Variants in BICRA observed in about 807,000 individuals in gnomAD.
BICRA encodes the protein BRD4 interacting chromatin remodeling complex associated protein, also known as BRD4-interacting chromatin-remodeling complex-associated protein.
Under a neutral mutation model 96.9 loss-of-function variants are expected in BICRA, and 31 were observed. The observed-to-expected ratio is 0.32, with a 90% CI of 0.24 to 0.43. The LOEUF (loss-of-function observed/expected upper bound fraction) is 0.43, where lower values mean the gene tolerates loss of function less well. Ranked by LOEUF, BICRA falls within the 20% of genes least tolerant of loss-of-function variation. The probability of loss-of-function intolerance (pLI) is 1.00; values close to 1 mark genes in which losing one functional copy is unlikely to be tolerated. For synonymous variants in BICRA, 1,350 were observed against 1,071.8 expected, an observed-to-expected ratio of 1.26 and a Z score of -5.07; for missense variants, 2,283 against 2,190.3, an observed-to-expected ratio of 1.04 and a Z score of -0.84.
At position 47,685,741 on chromosome 19, in the gene BICRA, CTGTGTGTGTGTGTGTG is replaced by C. The variant is rs3074109; in HGVS notation, c.2283+3620_2283+3635del. Among the ~76,000 whole-genome samples the C allele has an allele frequency of 2.6e-3, 301 of 115,552 alleles. 1 individual carries two copies. Among genetic ancestry groups the C allele is most frequent in the South Asian group, 9.4e-3 (29 of 3,076 alleles). The allele number at this position is 115,552 out of a possible 152,430, so 75.8% of individuals were successfully genotyped here. On this transcript the variant is annotated intron_variant, in intron 7 of 14. Transcript: ENST00000594866. ...TGTACCCAGATGGATTTGGCAGCCTCTGTGTGTGTGTGTGTGTGTGTGTGTGTGTGTGTGTGTGTGT... is the reference window on the plus strand; with the variant it reads ...TGTACCCAGATGGATTTGGCAGCCTCTGTGTGTGTGTGTGTGTGTGTGTGT...
At chr19:47,681,447 G>C (rs1190780437) in intron 6 of BICRA, among the ~76,000 whole-genome samples, 171 bp downstream of exon 6, 2 of 152,196 alleles carry the variant, frequency 1.3e-5, no homozygotes, top group Non-Finnish European at 2.9e-5. Context: ...AAGGGTGAGG[G>C]CCCTGGCTGA....
At chr19:47,691,087 C>G (rs1973234707) in intron 7 of BICRA, among the ~76,000 whole-genome samples, 1 of 152,190 alleles carries the variant, frequency 6.6e-6, no homozygotes, top group Non-Finnish European at 1.5e-5. Flanking sequence ...GAGGTTCTAG[C>G]TCTGGATCTC....
At chr19:47,619,918 C>T (rs766167980) in intron 1 of BICRA, among the ~76,000 whole-genome samples, 7 of 152,150 alleles carry the variant, frequency 4.6e-5, no homozygotes, top group Non-Finnish European at 1.0e-4. Flanking sequence ...AGCACATTCT[C>T]GTCACTGCCA....
upstream of BICRA, chr19:47,609,104 C>T (rs1971853943): frequency 6.7e-6 from 1 of 148,552 alleles, no homozygotes; most frequent in South Asian, 2.1e-4. Flanking sequence ...CTTCTGGGTC[C>T]TCCCTTTGCA....
At chr19:47,696,409 C>T in intron 10 of BICRA, 42 bp from the exon 11 acceptor site, 1 of 1,547,774 alleles carries the variant, frequency 6.5e-7, no homozygotes, top group Non-Finnish European at 8.8e-7. Context: ...GGAGGGAAGG[C>T]TTCTGGAGGC....
At position 47,681,165 on chromosome 19, in the gene BICRA, G is replaced by C. The variant is rs1599850756; in HGVS notation, c.1995G>C (p.Gln665His). The change falls in exon 6 of 15, where the codon CAG becomes CAC. Residue 665 changes from glutamine (Q) to histidine (H), a missense_variant. Physicochemically the swap from Gln to His is conservative, Grantham distance 24. Transcript: ENST00000594866. Reference sequence around the variant, plus strand: ...CCCCGCCTCAGGCCACCACCCCCCAGCCCAGCCCTGGCCTGGCGTCTAGCC... The same window carrying C: ...CCCCGCCTCAGGCCACCACCCCCCACCCCAGCCCTGGCCTGGCGTCTAGCC... ...AAAPPQATTPQPSPGLASSPE... is the reference protein window; with the variant it reads ...AAAPPQATTPHPSPGLASSPE... 1 of 1,475,454 alleles carries C rather than the reference G, an allele frequency of 6.8e-7. No homozygotes were observed. The highest frequency in any genetic ancestry group is 1.4e-5 in the African/African-American group (1 of 71,054). The allele number at this position is 1,475,454 out of a possible 1,614,324, so 91.4% of individuals were successfully genotyped here.
In BICRA at chr19:47,679,548, G is replaced by C; in HGVS notation, c.378G>C (p.Leu126=). 1 of 1,547,280 alleles carries C rather than the reference G, an allele frequency of 6.5e-7. No homozygotes were observed. The highest frequency in any genetic ancestry group is 8.7e-7 in the Non-Finnish European group (1 of 1,145,952). ...QTLEAEAELD[L]GPFQLPTLQP... ...TGGAGGCCGAGGCTGAGCTGGACCT[G>C]GGTCCCTTCCAGCTGCCCACCCTGC... The change falls in exon 6 of 15, where the codon CTG becomes CTC. Residue 126 remains leucine, a synonymous_variant. Coordinates refer to ENST00000594866, the MANE Select transcript of BICRA (RefSeq NM_001394372.1).
intron 7 of BICRA, among the ~76,000 whole-genome samples, chr19:47,688,105 C>T (rs1315698098): frequency 6.6e-6 from 1 of 151,938 alleles, no homozygotes; most frequent in African/African-American, 2.4e-5. Context: ...GAGCATCTTG[C>T]CGCCTCCACG....
intron 4 of BICRA, among the ~76,000 whole-genome samples, chr19:47,674,486 T>A (rs1972913150): frequency 6.6e-6 from 1 of 152,184 alleles, no homozygotes; most frequent in Admixed American, 6.5e-5. Context: ...TATTAGTATC[T>A]ATGGCTGTGT....
chr19:47,677,976 G>A (rs1456389675), intron 5 of BICRA, among the ~76,000 whole-genome samples: 2 of 152,238 alleles, frequency 1.3e-5, no homozygotes, highest in Non-Finnish European at 1.5e-5. Flanking sequence ...AAAGTGCCAT[G>A]TTGGTTCTGG....
At chr19:47,608,934 A>T (rs368084484), upstream of BICRA, among the ~76,000 whole-genome samples, 135 of 134,480 alleles carry the variant, frequency 1.0e-3, no homozygotes, top group East Asian at 2.2e-3. Flanking sequence ...ATTAAAAAAA[A>T]TTTTTTTTTT....
chr19:47,694,019 G>C, intron 7 of BICRA, 96 bp from the exon 8 acceptor site: 1 of 1,404,112 alleles, frequency 7.1e-7, no homozygotes, highest in Non-Finnish European at 9.3e-7. Context: ...GGGGGCTTCT[G>C]GCGGGGATGG....
rs1487206324 is a variant in BICRA, at chr19:47,679,624, G to A, written c.454G>A (p.Val152Met). ...GPTGAGGAAA[V>M]AAGPQALFPG... is the part of the protein sequence containing the mutation. ...GACGGGCGCTGGAGGGGCAGCGGCC[G>A]TGGCTGCGGGGCCCCAAGCCCTCTT... The change falls in exon 6 of 15, where the codon GTG (valine) becomes ATG (methionine). Residue 152 changes from valine to methionine, a missense_variant. By Grantham distance (21) the Val-to-Met change is conservative. Coordinates refer to ENST00000594866, the MANE Select transcript of BICRA (RefSeq NM_001394372.1). The A allele has an allele frequency of 1.5e-5, 23 of 1,515,000 alleles. No homozygotes were observed. The highest frequency in any genetic ancestry group is 3.8e-5 in the South Asian group (3 of 79,372). The allele number at this position is 1,515,000 out of a possible 1,614,324, so 93.8% of individuals were successfully genotyped here.
chr19:47,645,412 T>A (rs1972445020), intron 1 of BICRA, among the ~76,000 whole-genome samples: 1 of 152,168 alleles, frequency 6.6e-6, no homozygotes, highest in Non-Finnish European at 1.5e-5. Flanking sequence ...AAAGGGACAT[T>A]CTGGTTCCTT....
chr19:47,616,862 C>T (rs962879116), intron 1 of BICRA, among the ~76,000 whole-genome samples: 2 of 151,464 alleles, frequency 1.3e-5, no homozygotes, highest in African/African-American at 2.4e-5. Flanking sequence ...AAGAATCTCT[C>T]TCTGCGCCCA....
In BICRA at chr19:47,655,172, G is replaced by A. The variant is rs574084988; in HGVS notation, c.-107-15271G>A. 3.8e-4 allele frequency among the ~76,000 whole-genome samples: 58 copies of A among 152,196 alleles called. 1 individual carries two copies. Among genetic ancestry groups the A allele is most frequent in the Admixed American group, 3.1e-3 (47 of 15,282 alleles). On this transcript the variant is annotated intron_variant, in intron 1 of 14. Transcript: ENST00000594866. ...CTTACTATAAACAAGTGTCCTTTTT[G>A]TGGTCTAGTTAGTGCCATGTTTTCT... is the stretch of plus-strand genomic sequence containing the variant.
In BICRA at chr19:47,694,470, C is replaced by T. The variant is rs1173194262; in HGVS notation, c.2639C>T (p.Pro880Leu). The change falls in exon 8 of 15, where the codon CCT becomes CTT. Residue 880 changes from proline to leucine, a missense_variant. Transcript: ENST00000594866. ...EGPLPPAPHL[P>L]PSSTSSAVAS... The stretch of plus-strand genomic sequence containing the variant: ...CCGCTGCCCCCAGCCCCCCACCTCC[C>T]TCCATCCTCCACCTCCTCTGCTGTG... 1 of 1,337,876 alleles carries T rather than the reference C, an allele frequency of 7.5e-7. No individual in the cohort carries two copies. Among genetic ancestry groups the T allele is most frequent in the Non-Finnish European group, 1.1e-6 (1 of 936,236 alleles). 82.9% of individuals were successfully genotyped at this position (1,337,876 alleles called of 1,614,324 possible). A position where few individuals can be genotyped will look rare whatever the true frequency, so the allele number is the denominator to read the frequency against.
chr19:47,622,447 G>A (rs1338250992), intron 1 of BICRA, among the ~76,000 whole-genome samples: 5 of 150,974 alleles, frequency 3.3e-5, no homozygotes, highest in Non-Finnish European at 5.9e-5. Flanking sequence ...GGAGTGGGCC[G>A]GGCGTGGTGG....
chr19:47,694,201 C>T lies in BICRA; in HGVS notation c.2370C>T (p.His790=). The T allele has an allele frequency of 1.5e-6, 2 of 1,376,330 alleles. No homozygotes were observed. The highest frequency in any genetic ancestry group is 2.7e-5 in the East Asian group (1 of 36,428). The allele number at this position is 1,376,330 out of a possible 1,614,324, so 85.3% of individuals were successfully genotyped here. The part of the protein sequence containing the change: ...PHQAPLGDSP[H]LPSPHPTRPP... ...AGGCCCCTCTGGGGGACAGCCCCCACCTGCCCTCCCCACACCCCACCCGGC... is the reference window on the plus strand; with the variant it reads ...AGGCCCCTCTGGGGGACAGCCCCCATCTGCCCTCCCCACACCCCACCCGGC... The change falls in exon 8 of 15, where the codon CAC becomes CAT. Residue 790 remains histidine, a synonymous_variant. Coordinates refer to ENST00000594866, the MANE Select transcript of BICRA (RefSeq NM_001394372.1).
Sources: gnomAD v4.1 joint callset for allele counts (sites outside exome capture counted in the v4.1 genomes callset) on GRCh38, gnomAD v4.1.1 for gene constraint, MANE v1.5 for transcripts, NCBI Gene and HGNC (gene_info 2026-07-23, HGNC 2026-07-21) for gene names.